MAG: variants seen among roughly 807,000 people sequenced by gnomAD.
MAG encodes the protein myelin associated glycoprotein.
Under a neutral mutation model 60.7 loss-of-function variants are expected in MAG, and 30 were observed. The observed-to-expected ratio is 0.49, with a 90% CI of 0.37 to 0.67. The LOEUF is 0.67. MAG is among the 30% of genes least tolerant of loss of function. MAG has a pLI of 0.00. For missense variants in MAG, 795 were observed against 851.7 expected, an observed-to-expected ratio of 0.93 and a Z score of 0.83; for synonymous variants, 384 against 376.8, an observed-to-expected ratio of 1.02 and a Z score of -0.22.
Position 35,313,543 on chromosome 19 carries a change from C to CG in MAG, c.*94dup, listed in dbSNP as rs2066545223. 7.3e-7 allele frequency: 1 copy of CG among 1,364,438 alleles called. No homozygotes were observed. The highest frequency in any genetic ancestry group is 1.5e-5 in the African/African-American group (1 of 68,304). 84.5% of individuals were successfully genotyped at this position (1,364,438 alleles called of 1,614,324 possible). ...TGGGCTCCCTTCCTCCCAAAAGTAT[C>CG]GGGGGCTGGGGCAGGAGGGGAGTGA... On this transcript the variant is annotated 3_prime_UTR_variant, in exon 11 of 11. Coordinates refer to ENST00000392213, the MANE Select transcript of MAG (RefSeq NM_002361.4).
rs766654454 is a variant in MAG, at chr19:35,300,354, C to T, written c.920C>T (p.Ala307Val). The T allele has an allele frequency of 1.3e-6, 2 of 1,596,742 alleles. No individual in the cohort carries two copies. Among genetic ancestry groups the T allele is most frequent in the Non-Finnish European group, 1.7e-6 (2 of 1,178,034 alleles). ...GAAGACGGCGTCTATGCCTGCCTGGCCGAGAATGCCTATGGCCAGGACAAC... is the reference window on the plus strand; with the variant it reads ...GAAGACGGCGTCTATGCCTGCCTGGTCGAGAATGCCTATGGCCAGGACAAC... ...PAEDGVYACL[A>V]ENAYGQDNRT... is the part of the protein sequence containing the mutation. The change falls in exon 6 of 11, where the codon GCC becomes GTC. Residue 307 changes from alanine to valine, a missense_variant. By Grantham distance (64) the Ala-to-Val change is moderately conservative (BLOSUM62 0). Transcript: ENST00000392213.
At chr19:35,312,523 T>TC in intron 10 of MAG, 1 of 339,564 alleles carries the variant, frequency 2.9e-6, no homozygotes, top group Non-Finnish European at 5.8e-6. Flanking sequence ...GTGTCCAAAT[T>TC]CCTGTGGCTA....
chr19:35,313,223 G>C (rs903753138), intron 10 of MAG, 67 bp from the exon 11 acceptor site: 1 of 1,522,534 alleles, frequency 6.6e-7, no homozygotes, highest in African/African-American at 1.4e-5. Context: ...GGGTGCAAAC[G>C]CTCTGTCCTC....
In MAG at chr19:35,300,361, T is replaced by A; in HGVS notation, c.927T>A (p.Asn309Lys). Residue 309 changes from asparagine (N) to lysine (K), a missense_variant, in exon 6 of 11, where the codon AAT (asparagine) becomes AAA (lysine). By Grantham distance (94) the Asn-to-Lys change is moderately conservative (BLOSUM62 0). Transcript: ENST00000392213. ...EDGVYACLAE[N>K]AYGQDNRTVG... ...GCGTCTATGCCTGCCTGGCCGAGAATGCCTATGGCCAGGACAACCGCACCG... is the reference window on the plus strand; with the variant it reads ...GCGTCTATGCCTGCCTGGCCGAGAAAGCCTATGGCCAGGACAACCGCACCG... The A allele has an allele frequency of 6.3e-7, 1 of 1,596,276 alleles. No individual in the cohort carries two copies. The highest frequency in any genetic ancestry group is 8.5e-7 in the Non-Finnish European group (1 of 1,177,666).
chr19:35,307,291 C>T (rs1211754827), intron 7 of MAG, among the ~76,000 whole-genome samples: 7 of 152,128 alleles, frequency 4.6e-5, no homozygotes, highest in Admixed American at 3.9e-4. Context: ...TCCGTGTGCC[C>T]GTGTGACTCC....
chr19:35,312,398 G>T lies in MAG; in HGVS notation c.1716+381G>T, dbSNP rs1490010376. On this transcript the variant is annotated intron_variant, in intron 10 of 10. Transcript: ENST00000392213. ...CCCTGGGGTTGGCGTGCATGTCCGT[G>T]TGTCCCTGTCAGGCGTCAAGGTGGT... is the stretch of plus-strand genomic sequence containing the variant. 4.4e-6 allele frequency: 6 copies of T among 1,378,112 alleles called. No individual in the cohort carries two copies. In the Admixed American group the frequency reaches 6.7e-5, roughly 15 times the overall value. 85.4% of individuals were successfully genotyped at this position (1,378,112 alleles called of 1,614,324 possible).
intron 4 of MAG, among the ~76,000 whole-genome samples, chr19:35,299,273 T>G (rs559121221): frequency 3.2e-4 from 48 of 152,308 alleles, no homozygotes; most frequent in African/African-American, 8.7e-4. Flanking sequence ...CCTCTCGCTT[T>G]GCGGGAGGGA....
chr19:35,295,588 C>T lies in MAG; in HGVS notation c.47-25C>T. 1 of 1,594,028 alleles carries T rather than the reference C, an allele frequency of 6.3e-7. No individual in the cohort carries two copies. The highest frequency in any genetic ancestry group is 8.5e-7 in the Non-Finnish European group (1 of 1,171,270). The stretch of plus-strand genomic sequence containing the variant: ...TGATCGGGTAGGACGTGTCCCTGAG[C>T]CTCAGCTCTCCTGCTTGCCCGCAGC... On this transcript the variant is annotated intron_variant, in intron 3 of 10. Transcript: ENST00000392213. The surrounding 1 kb of genome is among the most constrained non-coding windows in gnomAD (Gnocchi z 5.8).
At chr19:35,311,002 A>G (rs1489382140) in intron 9 of MAG, among the ~76,000 whole-genome samples, 1 of 150,470 alleles carries the variant, frequency 6.6e-6, no homozygotes, top group African/African-American at 2.5e-5. Flanking sequence ...ACTTGACGCC[A>G]GAAGCCCCAA....
At position 35,302,584 on chromosome 19, in the gene MAG, C is replaced by A; in HGVS notation, c.1107C>A (p.Val369=). Residue 369 remains valine, a synonymous_variant, in exon 7 of 11, where the codon GTC becomes GTA. Transcript: ENST00000392213. ...IFKEKQILST[V]IYESELQLEL... ...AGGAGAAGCAGATCCTGTCCACGGT[C>A]ATCTACGAGAGCGAGCTGCAGCTGG... The A allele has an allele frequency of 6.2e-7, 1 of 1,614,232 alleles. No individual in the cohort carries two copies. The highest frequency in any genetic ancestry group is 1.7e-5 in the Admixed American group (1 of 60,026).
chr19:35,305,990 T>C (rs1329560887), intron 7 of MAG, among the ~76,000 whole-genome samples: 1 of 82,166 alleles, frequency 1.2e-5, no homozygotes, highest in African/African-American at 5.6e-5. Context: ...AGCAAGACTG[T>C]CCCACCCCCC....
chr19:35,305,823 C>T (rs1309440151), intron 7 of MAG, among the ~76,000 whole-genome samples: 1 of 152,200 alleles, frequency 6.6e-6, no homozygotes, highest in East Asian at 1.9e-4. Context: ...GGCGTGATGG[C>T]GCACACCTGC....
chr19:35,295,605 G>C lies in MAG; in HGVS notation c.47-8G>C. On this transcript the variant is annotated splice_region_variant and splice_polypyrimidine_tract_variant and intron_variant, in intron 3 of 10. Coordinates refer to ENST00000392213, the MANE Select transcript of MAG (RefSeq NM_002361.4). The surrounding 1 kb of genome is among the most constrained non-coding windows in gnomAD (Gnocchi z 5.8). ...TCCCTGAGCCTCAGCTCTCCTGCTTGCCCGCAGCCTCCCGAGGGGGTCACT... is the reference window on the plus strand; with the variant it reads ...TCCCTGAGCCTCAGCTCTCCTGCTTCCCCGCAGCCTCCCGAGGGGGTCACT... The C allele has an allele frequency of 1.9e-6, 3 of 1,597,860 alleles. No homozygotes were observed. The East Asian group carries it at 6.7e-5, about 36-fold the overall frequency.
Position 35,299,655 on chromosome 19 carries a change from A to G in MAG, c.517A>G (p.Ser173Gly), listed in dbSNP as rs1190447080. Reference protein sequence around the residue: ...DNCPELRPELSWLGHEGLGEP... With the variant: ...DNCPELRPELGWLGHEGLGEP... ...CTGCCCAGAGCTGCGCCCTGAGCTG[A>G]GCTGGCTGGGCCACGAGGGGCTGGG... Residue 173 changes from serine (S) to glycine (G), a missense_variant, in exon 5 of 11, where the codon AGC becomes GGC. Ser to Gly is a moderately conservative substitution (Grantham distance 56). Transcript: ENST00000392213. The G allele has an allele frequency of 6.2e-7, 1 of 1,608,308 alleles. No individual in the cohort carries two copies. Among genetic ancestry groups the G allele is most frequent in the Non-Finnish European group, 8.5e-7 (1 of 1,177,986 alleles).
chr19:35,310,756 C>T, intron 9 of MAG, 113 bp downstream of exon 9: 1 of 857,220 alleles, frequency 1.2e-6, no homozygotes, highest in Non-Finnish European at 1.9e-6. Flanking sequence ...GTAGAGAAGG[C>T]AGATTCTGTT....
Position 35,293,948 on chromosome 19 carries a change from G to A in MAG, c.-79-287G>A, listed in dbSNP as rs1259533335. On this transcript the variant is annotated intron_variant, in intron 1 of 10. Coordinates refer to ENST00000392213, the MANE Select transcript of MAG (RefSeq NM_002361.4). This position sits in a 1 kb window ranked among gnomAD's most constrained non-coding sequence, Gnocchi z 4.0. ...CCCGCCACCCCCAGGCCCCGGCCGTGGGACATCTGCTCCCTCACTCCACTC... is the reference window on the plus strand; with the variant it reads ...CCCGCCACCCCCAGGCCCCGGCCGTAGGACATCTGCTCCCTCACTCCACTC... Among the ~76,000 whole-genome samples, 4 of 151,994 alleles carry A rather than the reference G, an allele frequency of 2.6e-5. No individual in the cohort carries two copies. The East Asian group carries it at 7.7e-4, about 29-fold the overall frequency.
intron 7 of MAG, among the ~76,000 whole-genome samples, chr19:35,309,469 TGAGACAGCGTCTCATTCTG>T (rs2066508792): frequency 6.6e-6 from 1 of 151,904 alleles, no homozygotes; most frequent in Admixed American, 6.6e-5. Flanking sequence ...GGGGTTTTTT[TGAGACAGCGTCTCATTCTG>T]TAACCTCTCG....
In MAG at chr19:35,295,246, C is replaced by T. The variant is rs2066386999; in HGVS notation, c.-23-140C>T. 1.3e-6 allele frequency: 1 copy of T among 757,246 alleles called. No homozygotes were observed. 46.9% of individuals were successfully genotyped at this position (757,246 alleles called of 1,614,324 possible). A position where few individuals can be genotyped will look rare whatever the true frequency, so the allele number is the denominator to read the frequency against. ...CGGGCAATGAAACAAGACCCTGTCT[C>T]AGAAAAATAAGTAAATAAATGCATA... On this transcript the variant is annotated intron_variant, in intron 2 of 10. Transcript: ENST00000392213. The surrounding 1 kb of genome is among the most constrained non-coding windows in gnomAD (Gnocchi z 5.8).
chr19:35,295,486 G>C lies in MAG; in HGVS notation c.46+32G>C, dbSNP rs1223770740. ...GCTGACAGGTGCTGGGGACCTAAAG[G>C]CTTTGGCCCCTGAGCAGGTTGGAGG... On this transcript the variant is annotated intron_variant, in intron 3 of 10. Coordinates refer to ENST00000392213, the MANE Select transcript of MAG (RefSeq NM_002361.4). The surrounding 1 kb of genome is among the most constrained non-coding windows in gnomAD (Gnocchi z 5.8). 1.9e-6 allele frequency: 3 copies of C among 1,613,736 alleles called. No individual in the cohort carries two copies. Among genetic ancestry groups the C allele is most frequent in the South Asian group, 1.1e-5 (1 of 91,014 alleles).
Sources: gnomAD v4.1 joint callset for allele counts (sites outside exome capture counted in the v4.1 genomes callset) on GRCh38, gnomAD v4.1.1 for gene constraint, Gnocchi (gnomAD v3.1) non-coding constraint, MANE v1.5 for transcripts, NCBI Gene and HGNC (gene_info 2026-07-23, HGNC 2026-07-21) for gene names.